PRLR: variants seen among roughly 807,000 people sequenced by gnomAD.
PRLR encodes the protein hPRL receptor.
PRLR carries 13 observed loss-of-function variants against 40.2 expected under a neutral mutation model. That is an observed-to-expected ratio of 0.32 (90% confidence interval 0.21 to 0.51). The LOEUF is 0.51. Among genes scored for constraint, PRLR ranks in the 20% least tolerant of loss-of-function variants. The probability of loss-of-function intolerance (pLI) is 0.97; values close to 1 mark genes in which losing one functional copy is unlikely to be tolerated. For synonymous variants in PRLR, 269 were observed against 278.7 expected, an observed-to-expected ratio of 0.97 and a Z score of 0.35; for missense variants, 656 against 747.3, an observed-to-expected ratio of 0.88 and a Z score of 1.42.
chr5:35,130,937 AC>A (rs1305600777), intron 1 of PRLR, among the ~76,000 whole-genome samples: 1 of 152,190 alleles, frequency 6.6e-6, no homozygotes, highest in Non-Finnish European at 1.5e-5. Flanking sequence ...GAGTGCTGCC[AC>A]CACAAGAGGC....
chr5:35,141,471 T>G (rs1774024030), intron 1 of PRLR, among the ~76,000 whole-genome samples: 1 of 152,088 alleles, frequency 6.6e-6, no homozygotes, highest in South Asian at 2.1e-4. Flanking sequence ...CCTATGGAGA[T>G]GAAAAGACTG....
At chr5:35,180,089 G>A (rs1258711686) in intron 1 of PRLR, among the ~76,000 whole-genome samples, 1 of 152,152 alleles carries the variant, frequency 6.6e-6, no homozygotes, top group African/African-American at 2.4e-5. Context: ...CATAAGGAGT[G>A]TGCAACCTAG....
chr5:35,152,657 G>A (rs1287796491), intron 1 of PRLR: 1 of 152,214 alleles, frequency 6.6e-6, no homozygotes, highest in East Asian at 1.9e-4. Flanking sequence ...TTGTAGGCCA[G>A]TTTCATTCTT....
chr5:35,065,462 G>T lies in PRLR; in HGVS notation c.1496C>A (p.Thr499Asn), dbSNP rs747666600. Residue 499 changes from threonine to asparagine, a missense_variant, in exon 10 of 10, where the codon ACC (threonine) becomes AAC (asparagine). Physicochemically the swap from Thr to Asn is moderately conservative, Grantham distance 65. Around this residue, in one of 3 missense-constraint regions of PRLR, gnomAD observed 469 missense variants for 491.5 expected, o/e 0.95. Coordinates refer to ENST00000618457, the MANE Select transcript of PRLR (RefSeq NM_000949.7). ...CAAGGGTTTAGCGGAGCCAAAGGGGGTTTTCTCCTGGGGCAGCAGCCAGGG... is the reference window on the plus strand; with the variant it reads ...CAAGGGTTTAGCGGAGCCAAAGGGGTTTTTCTCCTGGGGCAGCAGCCAGGG... ...DTPWLLPQEK[T>N]PFGSAKPLDY... The T allele has an allele frequency of 6.8e-6, 11 of 1,614,158 alleles. No individual in the cohort carries two copies. The highest frequency in any genetic ancestry group is 1.1e-5 in the South Asian group (1 of 91,078).
chr5:35,098,487 C>T (rs1240283861), intron 2 of PRLR, among the ~76,000 whole-genome samples: 1 of 152,174 alleles, frequency 6.6e-6, no homozygotes, highest in Non-Finnish European at 1.5e-5. Flanking sequence ...AATTGCAAAA[C>T]TAATACAGGG....
chr5:35,159,417 G>A (rs1774607829), intron 1 of PRLR, among the ~76,000 whole-genome samples: 1 of 151,536 alleles, frequency 6.6e-6, no homozygotes, highest in East Asian at 1.9e-4. Flanking sequence ...AAAAACTACA[G>A]ACCTGCATCT....
At chr5:35,166,777 T>TA (rs1375496989) in intron 1 of PRLR, among the ~76,000 whole-genome samples, 1 of 152,146 alleles carries the variant, frequency 6.6e-6, no homozygotes, top group Non-Finnish European at 1.5e-5. Flanking sequence ...GCAGAACTCT[T>TA]ACAATCCTTG....
Position 35,057,201 on chromosome 5 carries a change from T to C in PRLR, c.*7888A>G, listed in dbSNP as rs1386010075. On this transcript the variant is annotated 3_prime_UTR_variant, in exon 10 of 10. Transcript: ENST00000618457. ...TCATTTTTCTCAGCCTCCCATGTTA[T>C]AGGGATGAGGTAAAGGAGGGAAATT... 6.6e-6 allele frequency: 1 copy of C among 152,144 alleles called. No homozygotes were observed. Among genetic ancestry groups the C allele is most frequent in the Non-Finnish European group, 1.5e-5 (1 of 68,010 alleles). 9.4% of individuals were successfully genotyped at this position (152,144 alleles called of 1,614,324 possible).
intron 2 of PRLR, among the ~76,000 whole-genome samples, chr5:35,104,804 T>C (rs1378220043): frequency 2.6e-5 from 4 of 151,832 alleles, no homozygotes; most frequent in Non-Finnish European, 4.4e-5. Flanking sequence ...CAGGGCATAG[T>C]GGAAAAAAAG....
intron 1 of PRLR, among the ~76,000 whole-genome samples, chr5:35,157,756 G>C (rs1419194180): frequency 5.3e-5 from 8 of 152,152 alleles, no homozygotes; most frequent in African/African-American, 1.9e-4. Context: ...TTCATACTCG[G>C]AACTAAAATT....
At chr5:35,182,345 A>G (rs896508362) in intron 1 of PRLR, among the ~76,000 whole-genome samples, 1 of 152,198 alleles carries the variant, frequency 6.6e-6, no homozygotes, top group Non-Finnish European at 1.5e-5. Flanking sequence ...AGCGTTCTAT[A>G]TAGCAGATAG....
At chr5:35,048,924 T>A in exon 9 of PRLR, 1 of 353,728 alleles carries the variant, frequency 2.8e-6, no homozygotes, top group South Asian at 2.2e-5. Flanking sequence ...TGGGTAGATA[T>A]CATTAATCTT....
At chr5:35,180,725 TC>T (rs140066588) in intron 1 of PRLR, among the ~76,000 whole-genome samples, 5,305 of 152,196 alleles carry the variant, frequency 0.035, 123 homozygotes, top group Middle Eastern at 0.068. Flanking sequence ...CCTAATGCTA[TC>T]CCTCCCCACT....
chr5:35,176,987 C>T (rs1477622577), intron 1 of PRLR, among the ~76,000 whole-genome samples: 1 of 152,100 alleles, frequency 6.6e-6, no homozygotes, highest in Non-Finnish European at 1.5e-5. Context: ...GTGGGACCTG[C>T]GGGCAGCAAT....
At chr5:35,125,390 A>G (rs1275716670) in intron 1 of PRLR, among the ~76,000 whole-genome samples, 1 of 152,186 alleles carries the variant, frequency 6.6e-6, no homozygotes, top group Non-Finnish European at 1.5e-5. Context: ...CCTGATGGTG[A>G]GGGGCATTTA....
intron 1 of PRLR, among the ~76,000 whole-genome samples, chr5:35,211,999 G>T (rs992168874): frequency 6.6e-6 from 1 of 152,140 alleles, no homozygotes; most frequent in East Asian, 1.9e-4. Flanking sequence ...GAGGAATTGT[G>T]ACAGAGGCTA....
intron 1 of PRLR, among the ~76,000 whole-genome samples, chr5:35,219,574 C>A (rs942203645): frequency 6.6e-6 from 1 of 152,138 alleles, no homozygotes; most frequent in African/African-American, 2.4e-5. Context: ...TGTCTGACAG[C>A]AGGAAGGCCT....
intron 1 of PRLR, among the ~76,000 whole-genome samples, chr5:35,198,189 G>A (rs1037516628): frequency 2.6e-5 from 4 of 152,192 alleles, no homozygotes; most frequent in East Asian, 1.9e-4. Context: ...GTGCCGCTCC[G>A]ACTGCAATGC....
intron 1 of PRLR, among the ~76,000 whole-genome samples, chr5:35,187,138 C>T (rs896830054): frequency 3.9e-5 from 6 of 152,178 alleles, no homozygotes; most frequent in African/African-American, 1.4e-4. Context: ...TGGTGGCTTA[C>T]ACCTGTGATC....
Sources: allele counts gnomAD v4.1 joint callset (sites outside exome capture counted in the v4.1 genomes callset), GRCh38; gene constraint gnomAD v4.1.1; regional missense constraint gnomAD v4.1.1; transcripts MANE v1.5; gene names NCBI Gene and HGNC (gene_info 2026-07-23, HGNC 2026-07-21).